The following ST7 variants were observed in gnomAD, a reference collection of about 807,000 sequenced individuals.
The protein encoded by ST7 is suppressor of tumorigenicity 7 protein.
ST7 carries 28 observed loss-of-function variants against 78.7 expected under a neutral mutation model. The observed-to-expected ratio is 0.36, with a 90% CI of 0.26 to 0.49. The LOEUF (loss-of-function observed/expected upper bound fraction) is 0.49, where lower values mean the gene tolerates loss of function less well. ST7 is among the 20% of genes least tolerant of loss of function. The pLI, the probability that ST7 is intolerant of heterozygous loss-of-function variation, is 0.99. For synonymous variants in ST7, 247 were observed against 249.6 expected, an observed-to-expected ratio of 0.99 and a Z score of 0.10; for missense variants, 418 against 696.0, an observed-to-expected ratio of 0.60 and a Z score of 4.49.
chr7:117,002,927 ATTC>A (rs1171857713), intron 1 of ST7, among the ~76,000 whole-genome samples: 1 of 145,344 alleles, frequency 6.9e-6, no homozygotes, highest in East Asian at 2.0e-4. Context: ...GGTTCAAGCA[ATTC>A]TTCTGCTTCA....
At chr7:117,228,448 AAC>A (rs1432332817) in intron 15 of ST7, among the ~76,000 whole-genome samples, 1 of 152,222 alleles carries the variant, frequency 6.6e-6, no homozygotes, top group African/African-American at 2.4e-5. Flanking sequence ...ATTGGTGTAA[AAC>A]ACAGATTGGA....
chr7:117,162,076 T>A (rs1807203069), intron 9 of ST7, among the ~76,000 whole-genome samples: 1 of 152,210 alleles, frequency 6.6e-6, no homozygotes, highest in East Asian at 1.9e-4. Flanking sequence ...CTCAGCCTTA[T>A]GTGTTCATCT....
intron 2 of ST7, among the ~76,000 whole-genome samples, chr7:117,108,030 T>A (rs1802119693): frequency 6.6e-6 from 1 of 152,164 alleles, no homozygotes; most frequent in South Asian, 2.1e-4. Flanking sequence ...TTTCTGCCAC[T>A]CTGTGGGGTG....
At chr7:117,087,197 C>T (rs1800217721) in intron 1 of ST7, among the ~76,000 whole-genome samples, 1 of 152,204 alleles carries the variant, frequency 6.6e-6, no homozygotes, top group African/African-American at 2.4e-5. Flanking sequence ...AATATATTAT[C>T]TTCCTTTAAG....
In ST7 at chr7:117,018,112, G is replaced by A. The variant is rs78659814; in HGVS notation, c.151+64421G>A. On this transcript the variant is annotated intron_variant, in intron 1 of 15. Coordinates refer to ENST00000323984, the MANE Select transcript of ST7 (RefSeq NM_001369598.1). ...CAAAAGGAGCAACATAAATGAGTCGGCAAAGCAGTTATTACATGTAGACCA... is the reference window on the plus strand; with the variant it reads ...CAAAAGGAGCAACATAAATGAGTCGACAAAGCAGTTATTACATGTAGACCA... Among the ~76,000 whole-genome samples, 284 of 152,266 alleles carry A rather than the reference G, an allele frequency of 1.9e-3. 7 individuals are homozygous for A. The highest frequency in any genetic ancestry group is 0.017 in the Admixed American group (262 of 15,292).
chr7:117,035,819 CTT>C (rs34596214), intron 1 of ST7, among the ~76,000 whole-genome samples: 4 of 149,228 alleles, frequency 2.7e-5, no homozygotes, highest in Admixed American at 6.7e-5. Context: ...TAGAATCAGT[CTT>C]TTTTTTTTTC....
intron 9 of ST7, among the ~76,000 whole-genome samples, chr7:117,150,807 A>G (rs1416831375): frequency 6.6e-6 from 1 of 152,222 alleles, no homozygotes; most frequent in Non-Finnish European, 1.5e-5. Flanking sequence ...AGTACCTCAA[A>G]CTCAATATGT....
intron 15 of ST7, chr7:117,223,124 G>A (rs919279496): frequency 3.8e-5 from 24 of 639,520 alleles, no homozygotes; most frequent in East Asian, 1.6e-4. Context: ...CCATCGTCTC[G>A]GCCTTCACAA....
intron 1 of ST7, among the ~76,000 whole-genome samples, chr7:117,056,406 G>A (rs966228598): frequency 2.6e-5 from 4 of 152,160 alleles, no homozygotes; most frequent in Non-Finnish European, 5.9e-5. Context: ...GCCGAGGCGG[G>A]CTGATCACCT....
At chr7:117,022,984 C>G (rs1253681608) in intron 1 of ST7, 1 of 152,150 alleles carries the variant, frequency 6.6e-6, no homozygotes, top group African/African-American at 2.4e-5. Flanking sequence ...ATATTATTTC[C>G]CCTCTTCATG....
rs952115839 is a variant in ST7 at position 117,222,045 on chromosome 7, G to A, written c.1621G>A (p.Gly541Arg). ...LLTHQFPELMGVFAKAFLSTL... is the reference protein window; with the variant it reads ...LLTHQFPELMRVFAKAFLSTL... ...GACACATCAGTTCCCGGAACTTATG[G>A]GGGTCTTCGCAAAAGCTGTGAGTGT... The change falls in exon 15 of 16, where the codon GGG becomes AGG. Residue 541 changes from glycine to arginine, a missense_variant. Coordinates refer to ENST00000323984, the MANE Select transcript of ST7 (RefSeq NM_001369598.1). 1 of 1,610,880 alleles carries A rather than the reference G, an allele frequency of 6.2e-7. No individual in the cohort carries two copies. The highest frequency in any genetic ancestry group is 8.5e-7 in the Non-Finnish European group (1 of 1,178,860).
Position 117,209,946 on chromosome 7 carries a change from T to A in ST7, c.1405+9T>A, listed in dbSNP as rs761047930. ...TTGTACGTGGGAAGGCAGTAAGTAA[T>A]TTTCTTTTTTTGAAACATTTTTAAG... is the stretch of plus-strand genomic sequence containing the variant. On this transcript the variant is annotated intron_variant, in intron 13 of 15. Transcript: ENST00000323984. 6.2e-7 allele frequency: 1 copy of A among 1,602,058 alleles called. No individual in the cohort carries two copies. The highest frequency in any genetic ancestry group is 8.5e-7 in the Non-Finnish European group (1 of 1,177,238).
At chr7:117,022,606 A>G (rs1406130750) in intron 1 of ST7, among the ~76,000 whole-genome samples, 2 of 152,152 alleles carry the variant, frequency 1.3e-5, no homozygotes, top group African/African-American at 4.8e-5. Context: ...TCACATTTGA[A>G]ATTCCAATTA....
intron 1 of ST7, among the ~76,000 whole-genome samples, chr7:116,984,611 A>G (rs1794111062): frequency 6.6e-6 from 1 of 152,218 alleles, no homozygotes; most frequent in South Asian, 2.1e-4. Flanking sequence ...GACTTAGGAT[A>G]CATTATTTAA....
chr7:117,183,791 T>C (rs1808987064), intron 10 of ST7, among the ~76,000 whole-genome samples: 1 of 152,226 alleles, frequency 6.6e-6, no homozygotes, highest in African/African-American at 2.4e-5. Flanking sequence ...TTCTTACGCT[T>C]ACACAAAAAT....
intron 5 of ST7, 159 bp downstream of exon 5, chr7:117,130,765 C>T (rs1273594038): frequency 2.0e-6 from 1 of 500,934 alleles, no homozygotes; most frequent in Non-Finnish European, 3.5e-6. Flanking sequence ...TTAAGTAAAC[C>T]TTTATCACAA....
chr7:117,027,291 A>C (rs1429276025), intron 1 of ST7, among the ~76,000 whole-genome samples: 12 of 152,054 alleles, frequency 7.9e-5, no homozygotes, highest in Non-Finnish European at 1.5e-5. Flanking sequence ...AAATACAAAA[A>C]TTAGCCGGGC....
At chr7:117,122,414 CACTGAGGATA>C (rs1803468733) in intron 3 of ST7, among the ~76,000 whole-genome samples, 1 of 152,152 alleles carries the variant, frequency 6.6e-6, no homozygotes, top group Admixed American at 6.5e-5. Context: ...TGAATTCATT[CACTGAGGATA>C]ACCTGTGGAA....
intron 2 of ST7, among the ~76,000 whole-genome samples, chr7:117,114,404 C>CAAA (rs200224380): frequency 7.6e-6 from 1 of 131,894 alleles, no homozygotes. Flanking sequence ...TCCCTTTTGC[C>CAAA]AAAAAAAAAA....
Sources: allele counts gnomAD v4.1 joint callset (sites outside exome capture counted in the v4.1 genomes callset), GRCh38; gene constraint gnomAD v4.1.1; transcripts MANE v1.5; gene names NCBI Gene and HGNC (gene_info 2026-07-23, HGNC 2026-07-21).